Variants in COL5A2 observed in about 807,000 individuals in gnomAD.
COL5A2 encodes collagen alpha-2(V) chain.
In COL5A2, 23 loss-of-function variants were observed where a neutral mutation model predicts 208.2. The ratio of observed to expected loss-of-function variants is 0.11; its 90% CI spans 0.08 to 0.16. The LOEUF (loss-of-function observed/expected upper bound fraction) is 0.16, where lower values mean the gene tolerates loss of function less well. Ranked by LOEUF, COL5A2 falls within the 10% of genes least tolerant of loss-of-function variation. The probability of loss-of-function intolerance (pLI) is 1.00; values close to 1 mark genes in which losing one functional copy is unlikely to be tolerated. For missense variants in COL5A2, 1,590 were observed against 1,956.4 expected (o/e 0.81, Z 3.53); for synonymous variants, 625 against 628.5 (o/e 0.99, Z 0.08).
At chr2:189,048,649 C>T (rs2153507796) in intron 44 of COL5A2, among the ~76,000 whole-genome samples, 1 of 152,176 alleles carries the variant, frequency 6.6e-6, no homozygotes, top group Admixed American at 6.5e-5. Flanking sequence ...ATAACTGTTT[C>T]AATATTAAAC....
the COL5A2 span, among the ~76,000 whole-genome samples, chr2:189,309,432 A>G: frequency 6.6e-5 from 10 of 152,158 alleles, no homozygotes; most frequent in Admixed American, 3.3e-4. Context: ...CAGTAAACAC[A>G]CTGCACGTAT....
At chr2:189,402,377 C>A in the COL5A2 span, among the ~76,000 whole-genome samples, 1 of 152,134 alleles carries the variant, frequency 6.6e-6, no homozygotes, top group African/African-American at 2.4e-5. Flanking sequence ...GCCACCACAC[C>A]CAGTTAATTT....
chr2:189,264,879 T>C, the COL5A2 span, among the ~76,000 whole-genome samples: 24 of 152,288 alleles, frequency 1.6e-4, no homozygotes, highest in African/African-American at 5.5e-4. Flanking sequence ...GCTAAATTAC[T>C]GCACAAGCTG....
chr2:189,085,273 CA>C, intron 10 of COL5A2, 60 bp from the exon 11 acceptor site: 1 of 1,272,510 alleles, frequency 7.9e-7, no homozygotes, highest in East Asian at 2.4e-5. Context: ...GCCAGTAATA[CA>C]ATTCAAAACA....
At chr2:189,331,018 C>G in the COL5A2 span, among the ~76,000 whole-genome samples, 1 of 151,910 alleles carries the variant, frequency 6.6e-6, no homozygotes, top group Non-Finnish European at 1.5e-5. Context: ...AGTTTTAAAA[C>G]AACATAATAA....
chr2:189,323,115 C>G, the COL5A2 span, among the ~76,000 whole-genome samples: 1 of 152,166 alleles, frequency 6.6e-6, no homozygotes, highest in Non-Finnish European at 1.5e-5. Context: ...CGAAAAAATT[C>G]AAAAGCGCTT....
At chr2:189,051,612 G>T in intron 41 of COL5A2, 131 bp from the exon 42 acceptor site, 1 of 720,230 alleles carries the variant, frequency 1.4e-6, no homozygotes, top group Non-Finnish European at 2.1e-6. Flanking sequence ...TAGATAATCA[G>T]TCATTCTATA....
the COL5A2 span, among the ~76,000 whole-genome samples, chr2:189,358,131 G>A: frequency 2.0e-5 from 3 of 152,114 alleles, no homozygotes; most frequent in East Asian, 1.9e-4. Context: ...CTTCTATGTC[G>A]ATCTCGCTGG....
the COL5A2 span, among the ~76,000 whole-genome samples, chr2:189,245,597 G>A: frequency 1.3e-5 from 2 of 150,516 alleles, no homozygotes; most frequent in South Asian, 2.1e-4. Context: ...CCATTCTCCT[G>A]CCTCAGCCTC....
chr2:189,171,563 G>A lies in COL5A2; in HGVS notation c.97+7945C>T, dbSNP rs559470691. Among the ~76,000 whole-genome samples the A allele has an allele frequency of 9.9e-5, 15 of 152,276 alleles. No homozygotes were observed. In the South Asian group the frequency reaches 2.7e-3, roughly 27 times the overall value. On this transcript the variant is annotated intron_variant, in intron 1 of 53. Coordinates refer to ENST00000374866, the MANE Select transcript of COL5A2 (RefSeq NM_000393.5). Reference sequence around the variant, plus strand: ...TTGGAATTGTGCTGATTGAATGACTGACTGAATGACCGGGTAGCATCATGT... The same window carrying A: ...TTGGAATTGTGCTGATTGAATGACTAACTGAATGACCGGGTAGCATCATGT...
At chr2:189,245,889 T>C in the COL5A2 span, among the ~76,000 whole-genome samples, 1 of 152,206 alleles carries the variant, frequency 6.6e-6, no homozygotes, top group East Asian at 1.9e-4. Flanking sequence ...TTAGTACAAC[T>C]CTTCTGGCTG....
chr2:189,313,310 C>A, the COL5A2 span, among the ~76,000 whole-genome samples: 2 of 152,078 alleles, frequency 1.3e-5, no homozygotes, highest in Non-Finnish European at 2.9e-5. Flanking sequence ...TCCATGAGAA[C>A]GTTCCCAACC....
At chr2:189,045,094 C>A in intron 47 of COL5A2, 85 bp downstream of exon 47, 2 of 840,760 alleles carry the variant, frequency 2.4e-6, no homozygotes, top group East Asian at 5.7e-5. Context: ...TCATATTTTT[C>A]AGTTATGAAT....
chr2:189,207,864 T>A (rs73980185), intron 1 of COL5A2, among the ~76,000 whole-genome samples: 41 of 152,298 alleles, frequency 2.7e-4, no homozygotes, highest in African/African-American at 9.9e-4. Context: ...TGAATTTTTT[T>A]CTCACTGTTT....
the COL5A2 span, among the ~76,000 whole-genome samples, chr2:189,309,683 T>C: frequency 3.9e-3 from 600 of 152,330 alleles, 3 homozygotes; most frequent in African/African-American, 0.014. Context: ...CTCTGTCTTA[T>C]ACCCCTCAGT....
chr2:189,119,549 A>G (rs1441442438), intron 1 of COL5A2, among the ~76,000 whole-genome samples: 1 of 152,100 alleles, frequency 6.6e-6, no homozygotes, highest in Non-Finnish European at 1.5e-5. Context: ...AATGTTATTC[A>G]TTCAGTTTTT....
At chr2:189,142,847 T>G (rs1241680749) in intron 1 of COL5A2, among the ~76,000 whole-genome samples, 1 of 152,128 alleles carries the variant, frequency 6.6e-6, no homozygotes, top group Non-Finnish European at 1.5e-5. Context: ...ATTTTTTTTT[T>G]CACTCTGGTT....
intron 1 of COL5A2, among the ~76,000 whole-genome samples, chr2:189,219,014 T>C (rs537415162): frequency 6.7e-4 from 102 of 152,328 alleles, no homozygotes; most frequent in Admixed American, 3.0e-3. Flanking sequence ...TGTATCTGAT[T>C]TACCTTACCC....
chr2:189,272,180 T>C, the COL5A2 span, among the ~76,000 whole-genome samples: 1 of 152,278 alleles, frequency 6.6e-6, no homozygotes, highest in Non-Finnish European at 1.5e-5. Context: ...CAAAGGATTA[T>C]AAATCATTCT....
Sources: allele counts gnomAD v4.1 joint callset (sites outside exome capture counted in the v4.1 genomes callset), GRCh38; gene constraint gnomAD v4.1.1; transcripts MANE v1.5; gene names NCBI Gene and HGNC (gene_info 2026-07-23, HGNC 2026-07-21).